The following PLS1 variants were observed in gnomAD, a reference collection of about 807,000 sequenced individuals.
The protein encoded by PLS1 is plastin 1.
In PLS1, 32 loss-of-function variants were observed where a neutral mutation model predicts 73.7. The ratio of observed to expected loss-of-function variants is 0.43; its 90% confidence interval spans 0.33 to 0.58. The LOEUF is 0.58. Ranked by LOEUF, PLS1 falls within the 20% of genes least tolerant of loss-of-function variation. The pLI is 0.04. For synonymous variants in PLS1, 217 were observed against 261.3 expected, an observed-to-expected ratio of 0.83 and a Z score of 1.63; for missense variants, 633 against 740.5, an observed-to-expected ratio of 0.85 and a Z score of 1.68.
In PLS1 at chr3:142,669,455, C is replaced by A; in HGVS notation, c.136C>A (p.Pro46Thr). The A allele has an allele frequency of 6.2e-7, 1 of 1,612,064 alleles. No homozygotes were observed. ...AGACCTGTTTAAGGAAGCAAGCCTT[C>A]CTCTGCCTGGCTACAAGGTGCGCGA... is the stretch of plus-strand genomic sequence containing the variant. ...LQDLFKEASLPLPGYKVREIV... is the reference protein window; with the variant it reads ...LQDLFKEASLTLPGYKVREIV... Residue 46 changes from proline to threonine, a missense_variant, in exon 3 of 16, where the codon CCT becomes ACT. Pro to Thr is a conservative substitution (Grantham distance 38). Transcript: ENST00000457734.
chr3:142,635,220 T>C (rs558643824), intron 1 of PLS1, among the ~76,000 whole-genome samples: 1 of 150,248 alleles, frequency 6.7e-6, no homozygotes, highest in African/African-American at 2.5e-5. Flanking sequence ...AGAAAGGAGA[T>C]AAAATGGAAT....
rs371422827 is a variant in PLS1, at chr3:142,664,189, T to A, written c.-36-13T>A. 6 of 1,015,756 alleles carry A rather than the reference T, an allele frequency of 5.9e-6. No individual in the cohort carries two copies. The East Asian group carries it at 1.2e-4, about 20-fold the overall frequency. 62.9% of individuals were successfully genotyped at this position (1,015,756 alleles called of 1,614,324 possible). On this transcript the variant is annotated splice_polypyrimidine_tract_variant and intron_variant, in intron 1 of 15. Transcript: ENST00000457734. The stretch of plus-strand genomic sequence containing the variant: ...AAGGCTTCATGCTTTTTTTATAATA[T>A]TGCTTTTTCTAGATATAAAGACCTG...
intron 3 of PLS1, 25 bp from the exon 4 acceptor site, chr3:142,670,968 C>A: frequency 6.6e-7 from 1 of 1,518,098 alleles, no homozygotes; most frequent in Non-Finnish European, 9.1e-7. Context: ...ATCTGATTCT[C>A]AATTTTACTT....
intron 1 of PLS1, among the ~76,000 whole-genome samples, chr3:142,637,249 A>G (rs1018725793): frequency 6.6e-6 from 1 of 152,204 alleles, no homozygotes; most frequent in Admixed American, 6.5e-5. Context: ...AGATCTCAAA[A>G]TATTTATGCT....
intron 6 of PLS1, 61 bp from the exon 7 acceptor site, chr3:142,683,945 T>C: frequency 8.0e-7 from 1 of 1,247,558 alleles, no homozygotes. Context: ...TATAGATAAT[T>C]TTTATAGATA....
At chr3:142,597,964 C>T (rs528632753) in intron 1 of PLS1, among the ~76,000 whole-genome samples, 5 of 152,286 alleles carry the variant, frequency 3.3e-5, no homozygotes, top group East Asian at 3.9e-4. Context: ...GTCCTGAAAA[C>T]GCCCTCCTTC....
chr3:142,599,359 T>C (rs1250726705), intron 1 of PLS1, among the ~76,000 whole-genome samples: 1 of 138,140 alleles, frequency 7.2e-6, no homozygotes, highest in East Asian at 2.2e-4. Flanking sequence ...AGATGGAGTC[T>C]CGCTCTGTCG....
intron 1 of PLS1, among the ~76,000 whole-genome samples, chr3:142,629,220 A>G (rs6783203): frequency 0.6 from 90,860 of 150,486 alleles, 28,032 homozygotes; most frequent in African/African-American, 0.73. Flanking sequence ...TTTTTGAGAC[A>G]TAGTCTCACT....
rs1171297517 is a variant in PLS1 at position 142,650,211 on chromosome 3, C to CTTTTTTTTTT, written c.-36-13975_-36-13966dup. On this transcript the variant is annotated intron_variant, in intron 1 of 15. Coordinates refer to ENST00000457734, the MANE Select transcript of PLS1 (RefSeq NM_001145319.2). The stretch of plus-strand genomic sequence containing the variant: ...GCAGTGTTGGTTTTGGCTTCTTCTT[C>CTTTTTTTTTT]TTTTTTTTTTTTTTTTTTTTTTTTT... Among the ~76,000 whole-genome samples, 289 of 70,892 alleles carry CTTTTTTTTTT rather than the reference C, an allele frequency of 4.1e-3. 2 individuals are homozygous for CTTTTTTTTTT. Among genetic ancestry groups the CTTTTTTTTTT allele is most frequent in the Non-Finnish European group, 5.3e-3 (212 of 40,264 alleles). The allele number at this position is 70,892 out of a possible 152,430, so 46.5% of individuals were successfully genotyped here.
rs137951485 is a variant in PLS1 at position 142,653,868 on chromosome 3, A to G, written c.-36-10334A>G. Among the ~76,000 whole-genome samples, 11 of 152,344 alleles carry G rather than the reference A, an allele frequency of 7.2e-5. No individual in the cohort carries two copies. The East Asian group carries it at 2.1e-3, about 29-fold the overall frequency. Reference sequence around the variant, plus strand: ...AAAATCAGTTTAAATTAAACTTTTCAGGCATTAACAGTTGAACCTGATAAG... The same window carrying G: ...AAAATCAGTTTAAATTAAACTTTTCGGGCATTAACAGTTGAACCTGATAAG... On this transcript the variant is annotated intron_variant, in intron 1 of 15. Coordinates refer to ENST00000457734, the MANE Select transcript of PLS1 (RefSeq NM_001145319.2).
At chr3:142,608,915 T>C (rs919344375) in intron 1 of PLS1, among the ~76,000 whole-genome samples, 4 of 152,216 alleles carry the variant, frequency 2.6e-5, no homozygotes, top group Non-Finnish European at 4.4e-5. Context: ...TAGCTGAGTA[T>C]GTTTGCCAGC....
chr3:142,689,320 G>T (rs1451675161), intron 9 of PLS1, among the ~76,000 whole-genome samples: 1 of 151,954 alleles, frequency 6.6e-6, no homozygotes, highest in Non-Finnish European at 1.5e-5. Flanking sequence ...GCTACTCAGG[G>T]GCTGAGGGAG....
intron 1 of PLS1, among the ~76,000 whole-genome samples, chr3:142,652,310 C>T (rs1200999640): frequency 6.6e-6 from 1 of 152,232 alleles, no homozygotes; most frequent in African/African-American, 2.4e-5. Flanking sequence ...CCCTTTCTTT[C>T]ACCCCTACAA....
intron 15 of PLS1, 33 bp downstream of exon 15, chr3:142,711,658 G>C (rs1458355175): frequency 1.3e-6 from 2 of 1,549,990 alleles, no homozygotes; most frequent in African/African-American, 2.7e-5. Context: ...ACAATACATG[G>C]CCCTTTAATT....
intron 1 of PLS1, chr3:142,619,731 A>G (rs546302601): frequency 6.6e-6 from 1 of 152,322 alleles, no homozygotes; most frequent in East Asian, 1.9e-4. Flanking sequence ...AGATGTGTGT[A>G]TGTATTGTGT....
intron 1 of PLS1, among the ~76,000 whole-genome samples, chr3:142,651,595 G>A (rs2037094644): frequency 6.6e-6 from 1 of 151,998 alleles, no homozygotes; most frequent in African/African-American, 2.4e-5. Context: ...TTGAGTAGCT[G>A]GGACTCCAGG....
chr3:142,609,414 A>G (rs1422255998), intron 1 of PLS1, among the ~76,000 whole-genome samples: 1 of 147,382 alleles, frequency 6.8e-6, no homozygotes, highest in Non-Finnish European at 1.5e-5. Context: ...CACCAGAGGA[A>G]GGGGAACTGG....
chr3:142,677,495 A>T (rs2037747697), intron 5 of PLS1, among the ~76,000 whole-genome samples: 3 of 151,972 alleles, frequency 2.0e-5, no homozygotes, highest in Non-Finnish European at 4.4e-5. Context: ...AAAATACAAA[A>T]ATTAGCTGAG....
At chr3:142,656,505 TAAAG>T (rs2037240378) in intron 1 of PLS1, 1 of 152,330 alleles carries the variant, frequency 6.6e-6, no homozygotes, top group Non-Finnish European at 1.5e-5. Context: ...ACATTCCAGT[TAAAG>T]AAAATCTGAT....
Sources: allele counts gnomAD v4.1 joint callset (sites outside exome capture counted in the v4.1 genomes callset), GRCh38; gene constraint gnomAD v4.1.1; transcripts MANE v1.5; gene names NCBI Gene and HGNC (gene_info 2026-07-23, HGNC 2026-07-21).